Variants in EYS observed in about 807,000 individuals in gnomAD.
EYS encodes EGF-like photoreceptor maintenance factor.
EYS carries 250 observed loss-of-function variants against 282.1 expected under a neutral mutation model. The ratio of observed to expected loss-of-function variants is 0.89; its 90% CI spans 0.80 to 0.98. The LOEUF is 0.98. EYS is among the 50% of genes least tolerant of loss of function. The probability of loss-of-function intolerance (pLI) is 0.00; values close to 1 mark genes in which losing one functional copy is unlikely to be tolerated. For synonymous variants in EYS, 1,355 were observed against 1,282.9 expected (o/e 1.06, Z -1.20); for missense variants, 4,016 against 3,709.0 (o/e 1.08, Z -2.15).
At position 65,666,586 on chromosome 6, in the gene EYS, A is replaced by T. The variant is rs934823168; in HGVS notation, c.-447-26694T>A. On this transcript the variant is annotated intron_variant, in intron 1 of 42. Transcript: ENST00000503581. ...ACTAAATAGTAAGCTGTGGTTGTCA[A>T]TTCTAATATTCTTAATAGTACACAC... Among the ~76,000 whole-genome samples the T allele has an allele frequency of 3.3e-5, 5 of 151,962 alleles. 1 individual carries two copies. Among genetic ancestry groups the T allele is most frequent in the African/African-American group, 1.2e-4 (5 of 41,558 alleles).
chr6:65,254,362 A>G (rs1170550889), intron 12 of EYS, among the ~76,000 whole-genome samples: 1 of 151,932 alleles, frequency 6.6e-6, no homozygotes, highest in Non-Finnish European at 1.5e-5. Flanking sequence ...CATTTTGAAT[A>G]AAGTGAAGAA....
At chr6:64,399,129 T>C (rs1773469686) in intron 28 of EYS, among the ~76,000 whole-genome samples, 1 of 151,802 alleles carries the variant, frequency 6.6e-6, no homozygotes, top group Admixed American at 6.6e-5. Flanking sequence ...GCTAATGAAC[T>C]CATTTCTTAT....
At chr6:64,044,475 T>G in intron 33 of EYS, among the ~76,000 whole-genome samples, 1 of 152,102 alleles carries the variant, frequency 6.6e-6, no homozygotes, top group South Asian at 2.1e-4. Flanking sequence ...AGGTGGAACG[T>G]AAGTTCACTT....
intron 32 of EYS, among the ~76,000 whole-genome samples, chr6:64,071,075 T>C (rs1771557269): frequency 6.6e-6 from 1 of 151,834 alleles, no homozygotes; most frequent in African/African-American, 2.4e-5. Flanking sequence ...ATTAATTAAG[T>C]GTTTCTTTAA....
At chr6:64,123,137 C>A (rs1286978367) in intron 31 of EYS, among the ~76,000 whole-genome samples, 2 of 152,142 alleles carry the variant, frequency 1.3e-5, no homozygotes, top group Non-Finnish European at 2.9e-5. Context: ...AAACCAGCAT[C>A]GTTTCTTGCC....
chr6:65,492,328 G>GAAACAAAC (rs1267396143), intron 4 of EYS, among the ~76,000 whole-genome samples: 7 of 109,228 alleles, frequency 6.4e-5, no homozygotes, highest in African/African-American at 2.8e-4. Flanking sequence ...AAAGAAGAAA[G>GAAACAAAC]AAAGAAACAA....
chr6:65,074,378 T>C (rs897986701), intron 12 of EYS, among the ~76,000 whole-genome samples: 3 of 151,988 alleles, frequency 2.0e-5, no homozygotes, highest in African/African-American at 7.2e-5. Flanking sequence ...CGTGCAGCCC[T>C]GCCCTTCATG....
chr6:64,196,980 C>A (rs1701262343), intron 31 of EYS, among the ~76,000 whole-genome samples: 1 of 147,388 alleles, frequency 6.8e-6, no homozygotes, highest in Non-Finnish European at 1.5e-5. Context: ...ACTAGTGGCA[C>A]TTTTTTTTTT....
At chr6:65,152,411 G>A (rs977776166) in intron 12 of EYS, among the ~76,000 whole-genome samples, 3 of 151,880 alleles carry the variant, frequency 2.0e-5, no homozygotes, top group Non-Finnish European at 4.4e-5. Flanking sequence ...TTACATTAAA[G>A]TGAGACCACA....
At chr6:63,986,467 G>A (rs903247020) in intron 34 of EYS, among the ~76,000 whole-genome samples, 5 of 151,692 alleles carry the variant, frequency 3.3e-5, no homozygotes, top group East Asian at 1.9e-4. Flanking sequence ...AAAGACACAC[G>A]CACCTGAATG....
At chr6:64,735,182 C>T (rs938450538) in intron 22 of EYS, among the ~76,000 whole-genome samples, 2 of 152,166 alleles carry the variant, frequency 1.3e-5, no homozygotes, top group African/African-American at 4.8e-5. Flanking sequence ...CTTCCGGGTT[C>T]ACGCCATTCT....
chr6:64,298,524 A>G (rs529696189), intron 30 of EYS, among the ~76,000 whole-genome samples: 55 of 152,300 alleles, frequency 3.6e-4, no homozygotes, highest in African/African-American at 1.3e-3. Flanking sequence ...CTACAAAGAA[A>G]ATAGCTATAT....
chr6:63,855,758 G>A (rs867696201), intron 36 of EYS, among the ~76,000 whole-genome samples: 28 of 152,184 alleles, frequency 1.8e-4, no homozygotes, highest in African/African-American at 6.5e-4. Context: ...TTCTGATAAA[G>A]GGTGAAGAAG....
intron 2 of EYS, among the ~76,000 whole-genome samples, chr6:65,541,265 GTTAAT>G (rs1252412768): frequency 6.6e-6 from 1 of 152,106 alleles, no homozygotes; most frequent in African/African-American, 2.4e-5. Context: ...GAGATTCTGA[GTTAAT>G]TTAAACATTG....
intron 11 of EYS, among the ~76,000 whole-genome samples, chr6:65,325,093 G>A (rs1260344728): frequency 1.3e-5 from 2 of 152,150 alleles, no homozygotes; most frequent in African/African-American, 4.8e-5. Flanking sequence ...GTAACAAGGT[G>A]GCAGCAAGGG....
At chr6:65,273,753 A>T (rs1012397076) in intron 12 of EYS, among the ~76,000 whole-genome samples, 2 of 152,138 alleles carry the variant, frequency 1.3e-5, no homozygotes, top group African/African-American at 4.8e-5. Context: ...CGTATGATTA[A>T]CTGCTTTTGT....
chr6:65,575,183 G>A (rs944444347), intron 2 of EYS, among the ~76,000 whole-genome samples: 1 of 151,842 alleles, frequency 6.6e-6, no homozygotes, highest in African/African-American at 2.4e-5. Context: ...TTTTTGTATT[G>A]CAAGTGTGTA....
At chr6:64,621,847 G>C (rs982766004) in intron 23 of EYS, among the ~76,000 whole-genome samples, 2 of 152,156 alleles carry the variant, frequency 1.3e-5, no homozygotes, top group African/African-American at 4.8e-5. Flanking sequence ...GAACAACTCT[G>C]AGTGAATTTG....
intron 13 of EYS, among the ~76,000 whole-genome samples, chr6:65,050,288 CAGGA>C (rs1383822454): frequency 2.0e-5 from 3 of 151,446 alleles, no homozygotes; most frequent in African/African-American, 7.3e-5. Context: ...ATTTAATCAC[CAGGA>C]AGAAGAACAC....
Sources: gnomAD v4.1 joint callset for allele counts (sites outside exome capture counted in the v4.1 genomes callset) on GRCh38, gnomAD v4.1.1 for gene constraint, MANE v1.5 for transcripts, NCBI Gene and HGNC (gene_info 2026-07-23, HGNC 2026-07-21) for gene names.